Variants in MMP26 observed in about 807,000 individuals in gnomAD.
MMP26 encodes matrix metallopeptidase 26.
A neutral mutation model predicts 31.0 loss-of-function variants in MMP26; 33 were observed. That is an observed-to-expected ratio of 1.06 (90% CI 0.81 to 1.42). The LOEUF (loss-of-function observed/expected upper bound fraction) is 1.42, where lower values mean the gene tolerates loss of function less well. Among genes scored for constraint, MMP26 ranks in the 40% most tolerant of loss-of-function variants. MMP26 has a pLI of 0.00. For missense variants in MMP26, 347 were observed against 316.1 expected (o/e 1.10, Z -0.74); for synonymous variants, 122 against 114.9 (o/e 1.06, Z -0.40).
chr11:4,923,509 G>A, intron 2 of MMP26: 1 of 1,614,166 alleles, frequency 6.2e-7, no homozygotes, highest in Non-Finnish European at 8.5e-7. Context: ...CATAGGACAT[G>A]AAGAGGTGTA....
intron 2 of MMP26, among the ~76,000 whole-genome samples, chr11:4,880,912 T>A (rs955089387): frequency 2.6e-5 from 4 of 152,160 alleles, no homozygotes; most frequent in Non-Finnish European, 5.9e-5. Context: ...ACATTACTGA[T>A]GCCAGAAAAT....
intron 2 of MMP26, among the ~76,000 whole-genome samples, chr11:4,854,940 C>G (rs1024149830): frequency 1.3e-5 from 2 of 152,132 alleles, no homozygotes; most frequent in East Asian, 1.9e-4. Flanking sequence ...CTGGTGATAC[C>G]CAAGCAAACA....
chr11:4,769,378 A>G (rs1440020905), intron 2 of MMP26: 1 of 1,614,100 alleles, frequency 6.2e-7, no homozygotes, highest in East Asian at 2.2e-5. Context: ...GATGGTAACA[A>G]TAGGAGTGAG....
intron 1 of MMP26, among the ~76,000 whole-genome samples, chr11:4,766,109 C>A (rs1167874977): frequency 6.6e-6 from 1 of 152,136 alleles, no homozygotes; most frequent in African/African-American, 2.4e-5. Context: ...CTATTCAATC[C>A]AGAGGGCATT....
chr11:4,723,348 C>G, intron 1 of MMP26: 1 of 973,092 alleles, frequency 1.0e-6, no homozygotes, highest in Non-Finnish European at 1.7e-6. Flanking sequence ...GGTGCATGCT[C>G]TCAGCCTCCG....
At chr11:4,943,432 T>C in intron 2 of MMP26, 1 of 455,770 alleles carries the variant, frequency 2.2e-6, no homozygotes, top group African/African-American at 2.0e-5. Context: ...CAAGGTAATT[T>C]GTTTAACCAT....
At chr11:4,934,343 C>G (rs1207590702) in intron 2 of MMP26, among the ~76,000 whole-genome samples, 1 of 139,198 alleles carries the variant, frequency 7.2e-6, no homozygotes, top group East Asian at 2.1e-4. Context: ...AGCATTTTTT[C>G]ATGTGTTTTT....
chr11:4,813,596 AATT>A (rs1330349871), intron 2 of MMP26, among the ~76,000 whole-genome samples: 1 of 151,628 alleles, frequency 6.6e-6, no homozygotes, highest in African/African-American at 2.4e-5. Flanking sequence ...GTGCTAGAAC[AATT>A]AGAAATCAGT....
intron 2 of MMP26, among the ~76,000 whole-genome samples, chr11:4,837,241 T>C (rs1338790563): frequency 6.6e-6 from 1 of 152,202 alleles, no homozygotes; most frequent in Non-Finnish European, 1.5e-5. Context: ...AAGGTCTTGT[T>C]CTGTTGTCCA....
At chr11:4,743,807 G>A (rs1049828365) in intron 1 of MMP26, among the ~76,000 whole-genome samples, 9 of 152,046 alleles carry the variant, frequency 5.9e-5, no homozygotes, top group East Asian at 1.9e-4. Flanking sequence ...TGGACTACTC[G>A]GGTTTGTTTG....
At chr11:4,990,222 C>T (rs1216705714) in intron 4 of MMP26, among the ~76,000 whole-genome samples, 1 of 152,168 alleles carries the variant, frequency 6.6e-6, no homozygotes, top group African/African-American at 2.4e-5. Context: ...ATATCTAAAG[C>T]AAGCAGTACT....
At chr11:4,777,056 A>C (rs1359908413) in intron 2 of MMP26, among the ~76,000 whole-genome samples, 2 of 152,200 alleles carry the variant, frequency 1.3e-5, no homozygotes, top group African/African-American at 4.8e-5. Flanking sequence ...CAAGGGTACT[A>C]GGACAGAATT....
chr11:4,856,406 A>AG (rs1392205237), intron 2 of MMP26, among the ~76,000 whole-genome samples: 1 of 152,170 alleles, frequency 6.6e-6, no homozygotes, highest in Non-Finnish European at 1.5e-5. Flanking sequence ...AACCAAAAAA[A>AG]GCAGGGATTG....
intron 2 of MMP26, among the ~76,000 whole-genome samples, chr11:4,888,379 A>G (rs888406074): frequency 6.6e-6 from 1 of 152,128 alleles, no homozygotes; most frequent in African/African-American, 2.4e-5. Context: ...ATTGAATACT[A>G]TATTGTTATT....
intron 2 of MMP26, among the ~76,000 whole-genome samples, chr11:4,770,371 C>T (rs1253635489): frequency 6.6e-6 from 1 of 152,142 alleles, no homozygotes; most frequent in Non-Finnish European, 1.5e-5. Context: ...ACACAGATCT[C>T]CAGATATTTG....
intron 2 of MMP26, among the ~76,000 whole-genome samples, chr11:4,814,214 A>G (rs892839564): frequency 6.6e-6 from 1 of 151,972 alleles, no homozygotes; most frequent in Non-Finnish European, 1.5e-5. Flanking sequence ...GTAAAACTAG[A>G]CCTCCTTTTG....
At chr11:4,856,884 A>G (rs1850061702) in intron 2 of MMP26, among the ~76,000 whole-genome samples, 1 of 152,234 alleles carries the variant, frequency 6.6e-6, no homozygotes, top group South Asian at 2.1e-4. Context: ...CTCAGACCAC[A>G]GTTCAATCAA....
chr11:4,902,749 A>G (rs1416123753), intron 2 of MMP26, among the ~76,000 whole-genome samples: 1 of 152,206 alleles, frequency 6.6e-6, no homozygotes, highest in African/African-American at 2.4e-5. Flanking sequence ...CAGATAACTT[A>G]ACATGGAGAA....
intron 2 of MMP26, among the ~76,000 whole-genome samples, chr11:4,771,041 A>G (rs545084216): frequency 1.6e-4 from 24 of 152,294 alleles, no homozygotes; most frequent in African/African-American, 5.8e-4. Flanking sequence ...CAGTGGAGGT[A>G]CGGTTTATTT....
Sources: allele counts gnomAD v4.1 joint callset (sites outside exome capture counted in the v4.1 genomes callset), GRCh38; gene constraint gnomAD v4.1.1; transcripts MANE v1.5; gene names NCBI Gene and HGNC (gene_info 2026-07-23, HGNC 2026-07-21).